The following DNAH9 variants were observed in gnomAD, a reference collection of about 807,000 sequenced individuals.
DNAH9 encodes DNAH9 variant protein.
Under a neutral mutation model 471.6 loss-of-function variants are expected in DNAH9, and 345 were observed. The observed-to-expected ratio is 0.73, with a 90% confidence interval of 0.67 to 0.80. DNAH9 has a LOEUF of 0.80. DNAH9 is among the 30% of genes least tolerant of loss of function. The pLI, the probability that DNAH9 is intolerant of heterozygous loss-of-function variation, is 0.00. For synonymous variants in DNAH9, 2,093 were observed against 2,123.6 expected (o/e 0.99, Z 0.40); for missense variants, 5,407 against 5,609.2 (o/e 0.96, Z 1.15).
rs1484268079 is a variant in DNAH9 at position 11,598,718 on chromosome 17, G to T, written c.220G>T (p.Val74Leu). 5.8e-6 allele frequency: 8 copies of T among 1,382,620 alleles called. No individual in the cohort carries two copies. Among genetic ancestry groups the T allele is most frequent in the Non-Finnish European group, 7.4e-6 (8 of 1,075,460 alleles). The allele number at this position is 1,382,620 out of a possible 1,614,324, so 85.6% of individuals were successfully genotyped here. Residue 74 changes from valine to leucine, a missense_variant, in exon 1 of 69, where the codon GTG (valine) becomes TTG (leucine). This residue lies in a region of DNAH9 where 767 missense variants were observed against 692.5 expected (regional missense o/e 1.11). Coordinates refer to ENST00000262442, the MANE Select transcript of DNAH9 (RefSeq NM_001372.4). ...CGAGGGGCCGCGGCCGCTGCTGGTG[G>T]TGCGGCCCGGGCCCAGGGGCCTGGC... is the stretch of plus-strand genomic sequence containing the variant. The part of the protein sequence containing the change: ...AAEGPRPLLV[V>L]RPGPRGLAIR...
In DNAH9 at chr17:11,727,891, C is replaced by T; in HGVS notation, c.5783C>T (p.Ser1928Phe). Residue 1928 changes from serine to phenylalanine, a missense_variant, in exon 28 of 69, where the codon TCC becomes TTC. Ser to Phe is a radical substitution (Grantham distance 155, BLOSUM62 -2). Transcript: ENST00000262442. ...TGCTTTGATGAGTTTAATCGAATCT[C>T]CGTGGAGGTCTTGTCAGTGGTGGCA... is the stretch of plus-strand genomic sequence containing the variant. ...WGCFDEFNRI[S>F]VEVLSVVAVQ... is the part of the protein sequence containing the mutation. 6.2e-7 allele frequency: 1 copy of T among 1,614,022 alleles called. No homozygotes were observed. The highest frequency in any genetic ancestry group is 8.5e-7 in the Non-Finnish European group (1 of 1,179,922).
At chr17:11,910,960 G>A (rs557712168) in intron 61 of DNAH9, among the ~76,000 whole-genome samples, 161 of 152,188 alleles carry the variant, frequency 1.1e-3, no homozygotes, top group Non-Finnish European at 1.9e-3. Context: ...TCAGATATAT[G>A]ATTTCCAAAT....
intron 67 of DNAH9, among the ~76,000 whole-genome samples, chr17:11,952,723 A>T (rs1367124104): frequency 6.6e-6 from 1 of 151,996 alleles, no homozygotes; most frequent in African/African-American, 2.4e-5. Flanking sequence ...TAGCCCTTAA[A>T]GGCCATTTTT....
In DNAH9 at chr17:11,962,100, C is replaced by T. The variant is rs776362852; in HGVS notation, c.13077C>T (p.Ile4359=). The T allele has an allele frequency of 1.9e-6, 3 of 1,614,186 alleles. No individual in the cohort carries two copies. Among genetic ancestry groups the T allele is most frequent in the Non-Finnish European group, 1.7e-6 (2 of 1,180,034 alleles). Residue 4359 remains isoleucine, a synonymous_variant, in exon 68 of 69, where the codon ATC becomes ATT. Coordinates refer to ENST00000262442, the MANE Select transcript of DNAH9 (RefSeq NM_001372.4). This position sits in a 1 kb window ranked among gnomAD's most constrained non-coding sequence, Gnocchi z 4.1. Reference sequence around the variant, plus strand: ...ACCCCCAGTCGTTCCTGACTGCCATCATGCAGTCCACGGCTCGCAAGAATG... The same window carrying T: ...ACCCCCAGTCGTTCCTGACTGCCATTATGCAGTCCACGGCTCGCAAGAATG... ...FFNPQSFLTA[I]MQSTARKNEW...
Position 11,771,488 on chromosome 17 carries a change from C to T in DNAH9, c.7552+2159C>T, listed in dbSNP as rs191627006. Among the ~76,000 whole-genome samples, 303 of 152,256 alleles carry T rather than the reference C, an allele frequency of 2.0e-3. 3 individuals carry two copies. The highest frequency in any genetic ancestry group is 3.5e-3 in the Non-Finnish European group (239 of 68,010). On this transcript the variant is annotated intron_variant, in intron 38 of 68. Transcript: ENST00000262442. ...CCAGCTTGCACAATTCCCTTGGTTT[C>T]AATAATCAGCTCCAATAAACCACTG...
At chr17:11,782,428 G>A (rs16945333) in intron 39 of DNAH9, among the ~76,000 whole-genome samples, 5,594 of 152,064 alleles carry the variant, frequency 0.037, 149 homozygotes, top group Middle Eastern at 0.13. Context: ...CACAGATGCC[G>A]CCTCCATTTC....
At chr17:11,823,189 G>A (rs930175746) in intron 48 of DNAH9, among the ~76,000 whole-genome samples, 155 bp downstream of exon 48, 1 of 152,162 alleles carries the variant, frequency 6.6e-6, no homozygotes, top group Admixed American at 6.5e-5. Flanking sequence ...GTTCTCGTGT[G>A]TTGCTTTCAT....
Position 11,807,846 on chromosome 17 carries a change from T to A in DNAH9, c.8535T>A (p.Asp2845Glu). 6.2e-7 allele frequency: 1 copy of A among 1,614,030 alleles called. No individual in the cohort carries two copies. The highest frequency in any genetic ancestry group is 1.1e-5 in the South Asian group (1 of 91,064). Reference sequence around the variant, plus strand: ...TGGCAGCTTTCATCAGCTCCATGGATGTCTTCCAGATCACACTGCGCAAAG... The same window carrying A: ...TGGCAGCTTTCATCAGCTCCATGGAAGTCTTCCAGATCACACTGCGCAAAG... ...TRLAAFISSMDVFQITLRKGY... is the reference protein window; with the variant it reads ...TRLAAFISSMEVFQITLRKGY... Residue 2845 changes from aspartate (D) to glutamate (E), a missense_variant, in exon 44 of 69, where the codon GAT becomes GAA. Physicochemically the swap from Asp to Glu is conservative, Grantham distance 45. Coordinates refer to ENST00000262442, the MANE Select transcript of DNAH9 (RefSeq NM_001372.4).
At chr17:11,704,141 T>A in intron 24 of DNAH9, 62 bp from the exon 25 acceptor site, 1 of 1,596,574 alleles carries the variant, frequency 6.3e-7, no homozygotes, top group Non-Finnish European at 8.5e-7. Context: ...TGCTGTGTGA[T>A]GAGTGGGTTG....
intron 61 of DNAH9, among the ~76,000 whole-genome samples, chr17:11,921,525 G>C (rs144148799): frequency 1.4e-3 from 213 of 152,230 alleles, no homozygotes; most frequent in African/African-American, 4.9e-3. Flanking sequence ...AGCAGTAGGG[G>C]TGGAGGCATG....
chr17:11,763,231 G>A (rs1967790607), intron 35 of DNAH9, among the ~76,000 whole-genome samples: 1 of 152,118 alleles, frequency 6.6e-6, no homozygotes, highest in Non-Finnish European at 1.5e-5. Context: ...CCTCAGGAGA[G>A]CTCTGGGCCC....
Position 11,797,673 on chromosome 17 carries a change from A to C in DNAH9, c.8300A>C (p.Lys2767Thr). Residue 2767 changes from lysine (K) to threonine (T), a missense_variant, in exon 43 of 69, where the codon AAA becomes ACA. Lys to Thr is a moderately conservative substitution (Grantham distance 78). This residue lies in a region of DNAH9 where 4,636 missense variants were observed against 4,900.3 expected (regional missense o/e 0.95). Coordinates refer to ENST00000262442, the MANE Select transcript of DNAH9 (RefSeq NM_001372.4). ...CHFANGIGEP[K>T]YMPVQSWELL... The stretch of plus-strand genomic sequence containing the variant: ...TTTGCAAATGGTATTGGGGAGCCCA[A>C]ATACATGCCTGTACAGTCTTGGGAA... The C allele has an allele frequency of 6.2e-7, 1 of 1,614,214 alleles. No homozygotes were observed.
At chr17:11,649,398 A>T (rs1213435789) in intron 12 of DNAH9, among the ~76,000 whole-genome samples, 1 of 152,104 alleles carries the variant, frequency 6.6e-6, no homozygotes, top group Non-Finnish European at 1.5e-5. Flanking sequence ...AATAGACTGC[A>T]TGTTTTTGTT....
chr17:11,932,213 C>T lies in DNAH9; in HGVS notation c.12297+8C>T. ...CTGGAGGCCAACGCAAAGGTAAAGG[C>T]CATGGACATTCAGGGACCAGCCAGG... On this transcript the variant is annotated splice_region_variant and intron_variant, in intron 64 of 68. Transcript: ENST00000262442. This position sits in a 1 kb window ranked among gnomAD's most constrained non-coding sequence, Gnocchi z 4.3. The T allele has an allele frequency of 6.2e-7, 1 of 1,611,026 alleles. No individual in the cohort carries two copies. Among genetic ancestry groups the T allele is most frequent in the Non-Finnish European group, 8.5e-7 (1 of 1,177,900 alleles).
At chr17:11,785,049 A>G (rs1411540837) in intron 41 of DNAH9, among the ~76,000 whole-genome samples, 1 of 152,070 alleles carries the variant, frequency 6.6e-6, no homozygotes, top group Non-Finnish European at 1.5e-5. Context: ...TCCCAGGTTC[A>G]TTTCTAGACT....
In DNAH9 at chr17:11,920,620, C is replaced by CAAAAAAA. The variant is rs778741343; in HGVS notation, c.11750-3185_11750-3179dup. ...TGGGCGACAGAGCAAGACTCCATCT[C>CAAAAAAA]AAAAAAAAAAAAAAAGAAAAGAAAA... On this transcript the variant is annotated intron_variant, in intron 61 of 68. Transcript: ENST00000262442. Among the ~76,000 whole-genome samples, 408 of 61,942 alleles carry CAAAAAAA rather than the reference C, an allele frequency of 6.6e-3. 5 individuals carry two copies. Among genetic ancestry groups the CAAAAAAA allele is most frequent in the African/African-American group, 0.023 (376 of 16,288 alleles). 40.6% of individuals were successfully genotyped at this position (61,942 alleles called of 152,430 possible). A position where few individuals can be genotyped will look rare whatever the true frequency, so the allele number is the denominator to read the frequency against.
intron 62 of DNAH9, among the ~76,000 whole-genome samples, chr17:11,927,405 C>T (rs1265866659): frequency 2.0e-5 from 3 of 152,166 alleles, no homozygotes; most frequent in African/African-American, 7.2e-5. Context: ...ATGTTTAAGT[C>T]TTTAATCTGT....
At position 11,690,370 on chromosome 17, in the gene DNAH9, G is replaced by A. The variant is rs1436247696; in HGVS notation, c.4548G>A (p.Gln1516=). Residue 1516 remains glutamine, a synonymous_variant, in exon 20 of 69, where the codon CAG becomes CAA. Transcript: ENST00000262442. ...DAVISIWFEV[Q]RTWTHLESIF... is the part of the protein sequence containing the mutation. ...TCATCTCTATCTGGTTTGAAGTGCA[G>A]CGAACATGGACTCACCTGGAAAGCA... The A allele has an allele frequency of 2.5e-6, 4 of 1,614,084 alleles. No individual in the cohort carries two copies. In the African/African-American group the frequency reaches 5.3e-5, roughly 22 times the overall value.
Position 11,598,911 on chromosome 17 carries a change from C to A in DNAH9, c.413C>A (p.Ser138Ter). Residue 138 changes from serine (S) to a stop codon, truncating the protein, a stop_gained, in exon 1 of 69, where the codon TCG (serine) becomes TAG (stop). Coordinates refer to ENST00000262442, the MANE Select transcript of DNAH9 (RefSeq NM_001372.4). LOFTEE classifies it high-confidence loss of function. ...APLEHLAALF[S>*]EVVLPVLANE... ...CTGGAGCACCTAGCCGCGCTGTTCT[C>A]GGAGGTGAGGGTGGGTTAGTGTCCC... 7.8e-7 allele frequency: 1 copy of A among 1,285,248 alleles called. No individual in the cohort carries two copies. Among genetic ancestry groups the A allele is most frequent in the East Asian group, 5.4e-5 (1 of 18,360 alleles). The allele number at this position is 1,285,248 out of a possible 1,614,324, so 79.6% of individuals were successfully genotyped here. A position where few individuals can be genotyped will look rare whatever the true frequency, so the allele number is the denominator to read the frequency against.
Sources: gnomAD v4.1 joint callset for allele counts (sites outside exome capture counted in the v4.1 genomes callset) on GRCh38, gnomAD v4.1.1 for gene constraint, gnomAD v4.1.1 regional missense constraint, Gnocchi (gnomAD v3.1) non-coding constraint, MANE v1.5 for transcripts, NCBI Gene and HGNC (gene_info 2026-07-23, HGNC 2026-07-21) for gene names.